The following OR5AS1 variants were observed in gnomAD, a reference collection of about 807,000 sequenced individuals.
The protein encoded by OR5AS1 is olfactory receptor 5AS1.
For synonymous variants in OR5AS1, 196 were observed against 141.7 expected, an observed-to-expected ratio of 1.38 and a Z score of -2.72; for missense variants, 492 against 378.2, an observed-to-expected ratio of 1.30 and a Z score of -2.50.
chr11:56,037,064 AC>A lies in OR5AS1; in HGVS notation c.*5674del, dbSNP rs1853413424. On this transcript the variant is annotated 3_prime_UTR_variant, in exon 2 of 2. Coordinates refer to ENST00000641320, the MANE Select transcript of OR5AS1 (RefSeq NM_001001921.2). ...GAAAAGGCCTTTGATAAAATTCAAC[AC>A]CCTTCGTGCTAAAAACTCTCAATAA... 1.3e-5 allele frequency: 2 copies of A among 151,954 alleles called. No homozygotes were observed. Among genetic ancestry groups the A allele is most frequent in the South Asian group, 2.1e-4 (1 of 4,820 alleles). The allele number at this position is 151,954 out of a possible 1,614,324, so 9.4% of individuals were successfully genotyped here.
chr11:56,035,474 G>A lies in OR5AS1; in HGVS notation c.*4081G>A, dbSNP rs531737830. On this transcript the variant is annotated 3_prime_UTR_variant, in exon 2 of 2. Transcript: ENST00000641320. ...GAAAAAAGAAAAAAAAAACAACAAA[G>A]CACAGGGGTTGTAATCCTAGTCTCT... 5 of 149,884 alleles carry A rather than the reference G, an allele frequency of 3.3e-5. 1 individual carries two copies. The highest frequency in any genetic ancestry group is 9.8e-5 in the African/African-American group (4 of 40,984). 9.3% of individuals were successfully genotyped at this position (149,884 alleles called of 1,614,324 possible). A position where few individuals can be genotyped will look rare whatever the true frequency, so the allele number is the denominator to read the frequency against.
At position 56,038,108 on chromosome 11, in the gene OR5AS1, C is replaced by A. The variant is rs1174836705; in HGVS notation, c.*6715C>A. ...CTGGACCCCTTCCTTATATCTTATACAAAAATTAACTCAAGATGGATTAAA... is the reference window on the plus strand; with the variant it reads ...CTGGACCCCTTCCTTATATCTTATAAAAAAATTAACTCAAGATGGATTAAA... On this transcript the variant is annotated 3_prime_UTR_variant, in exon 2 of 2. Coordinates refer to ENST00000641320, the MANE Select transcript of OR5AS1 (RefSeq NM_001001921.2). The A allele has an allele frequency of 6.6e-6, 1 of 152,130 alleles. No individual in the cohort carries two copies. Among genetic ancestry groups the A allele is most frequent in the Non-Finnish European group, 1.5e-5 (1 of 68,036 alleles). The allele number at this position is 152,130 out of a possible 1,614,324, so 9.4% of individuals were successfully genotyped here. A position where few individuals can be genotyped will look rare whatever the true frequency, so the allele number is the denominator to read the frequency against.
chr11:56,031,487 C>A lies in OR5AS1; in HGVS notation c.*94C>A. 1 of 948,820 alleles carries A rather than the reference C, an allele frequency of 1.1e-6. No individual in the cohort carries two copies. Among genetic ancestry groups the A allele is most frequent in the Non-Finnish European group, 1.6e-6 (1 of 637,850 alleles). The allele number at this position is 948,820 out of a possible 1,614,324, so 58.8% of individuals were successfully genotyped here. A position where few individuals can be genotyped will look rare whatever the true frequency, so the allele number is the denominator to read the frequency against. ...ATCACATTTTCAGAAATAAAGATAA[C>A]TTGTTATACTCAGTGCATTAAAATG... On this transcript the variant is annotated 3_prime_UTR_variant, in exon 2 of 2. Transcript: ENST00000641320.
chr11:56,028,497 G>A (rs1414359546), intron 1 of OR5AS1, among the ~76,000 whole-genome samples: 4 of 152,094 alleles, frequency 2.6e-5, no homozygotes, highest in Non-Finnish European at 4.4e-5. Context: ...CCTTCAAAGA[G>A]AATAGCAAAT....
In OR5AS1 at chr11:56,037,237, A is replaced by T. The variant is rs1853415101; in HGVS notation, c.*5844A>T. Reference sequence around the variant, plus strand: ...ATGCCCTCTCTCACCACTCCTATTCAACATAGTATTGAAAGTGCTGGCCAG... The same window carrying T: ...ATGCCCTCTCTCACCACTCCTATTCTACATAGTATTGAAAGTGCTGGCCAG... On this transcript the variant is annotated 3_prime_UTR_variant, in exon 2 of 2. Transcript: ENST00000641320. The T allele has an allele frequency of 6.6e-6, 1 of 152,116 alleles. No individual in the cohort carries two copies. The highest frequency in any genetic ancestry group is 1.5e-5 in the Non-Finnish European group (1 of 68,030). 9.4% of individuals were successfully genotyped at this position (152,116 alleles called of 1,614,324 possible).
rs1033762370 is a variant in OR5AS1, at chr11:56,031,055, G to A, written c.637G>A (p.Val213Ile). ...CTTCATCCAGACCAGCACTTTTGTG[G>A]TAATATTTATTTCTTACTTCTGCAT... ...CSFIQTSTFV[V>I]IFISYFCILI... Residue 213 changes from valine (V) to isoleucine (I), a missense_variant, in exon 2 of 2, where the codon GTA becomes ATA. Val to Ile is a conservative substitution (Grantham distance 29). Coordinates refer to ENST00000641320, the MANE Select transcript of OR5AS1 (RefSeq NM_001001921.2). The A allele has an allele frequency of 1.2e-6, 2 of 1,613,970 alleles. No homozygotes were observed. The highest frequency in any genetic ancestry group is 1.3e-5 in the African/African-American group (1 of 74,874).
At position 56,030,728 on chromosome 11, in the gene OR5AS1, T is replaced by A; in HGVS notation, c.310T>A (p.Phe104Ile). ...TGGGTGTGCACTACAAATGTTTTTC[T>A]TCGCTTCTTTTGCTGATGCTGAGTG... is the stretch of plus-strand genomic sequence containing the variant. ...PYGCALQMFF[F>I]ASFADAECLI... Residue 104 changes from phenylalanine (F) to isoleucine (I), a missense_variant, in exon 2 of 2, where the codon TTC becomes ATC. Coordinates refer to ENST00000641320, the MANE Select transcript of OR5AS1 (RefSeq NM_001001921.2). 1 of 1,612,116 alleles carries A rather than the reference T, an allele frequency of 6.2e-7. No homozygotes were observed. The highest frequency in any genetic ancestry group is 8.5e-7 in the Non-Finnish European group (1 of 1,178,664).
Position 56,031,077 on chromosome 11 carries a change from G to A in OR5AS1, c.659G>A (p.Cys220Tyr), listed in dbSNP as rs1274154135. The A allele has an allele frequency of 3.1e-6, 5 of 1,613,762 alleles. No individual in the cohort carries two copies. The highest frequency in any genetic ancestry group is 2.7e-5 in the African/African-American group (2 of 74,820). Residue 220 changes from cysteine (C) to tyrosine (Y), a missense_variant, in exon 2 of 2, where the codon TGC becomes TAC. By Grantham distance (194) the Cys-to-Tyr change is radical (BLOSUM62 -2). Transcript: ENST00000641320. ...GTGGTAATATTTATTTCTTACTTCT[G>A]CATCCTCATCACTGTGTTGAGCATC... The part of the protein sequence containing the change: ...TFVVIFISYF[C>Y]ILITVLSIKS...
chr11:56,029,551 C>T (rs559514650), intron 1 of OR5AS1, among the ~76,000 whole-genome samples: 2 of 150,464 alleles, frequency 1.3e-5, no homozygotes, highest in African/African-American at 2.5e-5. Context: ...CACACACACA[C>T]GACTTATTTT....
At chr11:56,028,577 G>T (rs1291692252) in intron 1 of OR5AS1, among the ~76,000 whole-genome samples, 2 of 152,026 alleles carry the variant, frequency 1.3e-5, no homozygotes, top group Non-Finnish European at 2.9e-5. Flanking sequence ...GATCCAGTGG[G>T]GTCCAACTCA....
rs2134692091 is a variant in OR5AS1 at position 56,030,656 on chromosome 11, A to G, written c.238A>G (p.Lys80Glu). 3 of 1,580,672 alleles carry G rather than the reference A, an allele frequency of 1.9e-6. No homozygotes were observed. The highest frequency in any genetic ancestry group is 2.3e-5 in the South Asian group (2 of 85,960). Residue 80 changes from lysine (K) to glutamate (E), a missense_variant, in exon 2 of 2, where the codon AAA (lysine) becomes GAA (glutamate). By Grantham distance (56) the Lys-to-Glu change is moderately conservative. Coordinates refer to ENST00000641320, the MANE Select transcript of OR5AS1 (RefSeq NM_001001921.2). ...DISCSTAITPKMLANFLASRK... is the reference protein window; with the variant it reads ...DISCSTAITPEMLANFLASRK... ...CAGCTGTTCTACAGCAATCACTCCT[A>G]AAATGCTGGCAAACTTCTTGGCATC...
intron 1 of OR5AS1, among the ~76,000 whole-genome samples, chr11:56,029,333 A>G (rs1190026516): frequency 6.6e-6 from 1 of 152,022 alleles, no homozygotes; most frequent in African/African-American, 2.4e-5. Flanking sequence ...TTTTCCATAC[A>G]ATGTTTGTCC....
rs1853402552 is a variant in OR5AS1, at chr11:56,036,178, C to G, written c.*4785C>G. ...AGTACTAAAGGCCCACAAGAGAAAG[C>G]AGGAAAGATCTAAAATCAACACCCT... is the stretch of plus-strand genomic sequence containing the variant. On this transcript the variant is annotated 3_prime_UTR_variant, in exon 2 of 2. Coordinates refer to ENST00000641320, the MANE Select transcript of OR5AS1 (RefSeq NM_001001921.2). 6.6e-6 allele frequency: 1 copy of G among 152,014 alleles called. No individual in the cohort carries two copies. The highest frequency in any genetic ancestry group is 1.5e-5 in the Non-Finnish European group (1 of 68,008). 9.4% of individuals were successfully genotyped at this position (152,014 alleles called of 1,614,324 possible). A position where few individuals can be genotyped will look rare whatever the true frequency, so the allele number is the denominator to read the frequency against.
chr11:56,034,527 C>A lies in OR5AS1; in HGVS notation c.*3134C>A, dbSNP rs985254491. 1 of 151,856 alleles carries A rather than the reference C, an allele frequency of 6.6e-6. No individual in the cohort carries two copies. The highest frequency in any genetic ancestry group is 1.5e-5 in the Non-Finnish European group (1 of 67,996). 9.4% of individuals were successfully genotyped at this position (151,856 alleles called of 1,614,324 possible). The stretch of plus-strand genomic sequence containing the variant: ...AAGGATATCAGAGATTGAAGATCAA[C>A]TTAATGAAATAAAGCTTGAAGACAA... On this transcript the variant is annotated 3_prime_UTR_variant, in exon 2 of 2. Coordinates refer to ENST00000641320, the MANE Select transcript of OR5AS1 (RefSeq NM_001001921.2).
Position 56,033,625 on chromosome 11 carries a change from G to C in OR5AS1, c.*2232G>C, listed in dbSNP as rs981513133. The C allele has an allele frequency of 3.9e-5, 6 of 152,366 alleles. No individual in the cohort carries two copies. The highest frequency in any genetic ancestry group is 1.4e-4 in the African/African-American group (6 of 41,402). The allele number at this position is 152,366 out of a possible 1,614,324, so 9.4% of individuals were successfully genotyped here. ...CTCTAAAAAAAAGGCAGCAGCCCCA[G>C]TTAGGGGCCTAGAGATAAAACCCCC... On this transcript the variant is annotated 3_prime_UTR_variant, in exon 2 of 2. Coordinates refer to ENST00000641320, the MANE Select transcript of OR5AS1 (RefSeq NM_001001921.2).
rs534489132 is a variant in OR5AS1 at position 56,035,985 on chromosome 11, A to G, written c.*4592A>G. 6.6e-6 allele frequency: 1 copy of G among 152,276 alleles called. No homozygotes were observed. The highest frequency in any genetic ancestry group is 2.1e-4 in the South Asian group (1 of 4,828). 9.4% of individuals were successfully genotyped at this position (152,276 alleles called of 1,614,324 possible). A position where few individuals can be genotyped will look rare whatever the true frequency, so the allele number is the denominator to read the frequency against. ...AACTCAGGATTAAGAAACTCACTCA[A>G]AACCACACATCTACATGGAAACTGA... is the stretch of plus-strand genomic sequence containing the variant. On this transcript the variant is annotated 3_prime_UTR_variant, in exon 2 of 2. Coordinates refer to ENST00000641320, the MANE Select transcript of OR5AS1 (RefSeq NM_001001921.2).
In OR5AS1 at chr11:56,033,885, G is replaced by T. The variant is rs974290911; in HGVS notation, c.*2492G>T. 6.6e-6 allele frequency: 1 copy of T among 152,220 alleles called. No homozygotes were observed. Among genetic ancestry groups the T allele is most frequent in the Non-Finnish European group, 1.5e-5 (1 of 68,120 alleles). 9.4% of individuals were successfully genotyped at this position (152,220 alleles called of 1,614,324 possible). ...ACCTCATAGGAGAGAGCTCCAGCTGGCATCTCACAGGTGTGCCTCTAGGAT... is the reference window on the plus strand; with the variant it reads ...ACCTCATAGGAGAGAGCTCCAGCTGTCATCTCACAGGTGTGCCTCTAGGAT... On this transcript the variant is annotated 3_prime_UTR_variant, in exon 2 of 2. Transcript: ENST00000641320.
chr11:56,031,101 TC>T lies in OR5AS1; in HGVS notation c.684del (p.Lys229SerfsTer18). ...YFCILITVLSIKSSGGRSKTF... is the reference protein window; with the variant it reads ...YFCILITVLSXKSSGGRSKTF... ...TGCATCCTCATCACTGTGTTGAGCA[TC>T]AAGTCCTCAGGTGGCAGAAGCAAAA... On this transcript the variant is annotated frameshift_variant, in exon 2 of 2. Coordinates refer to ENST00000641320, the MANE Select transcript of OR5AS1 (RefSeq NM_001001921.2). LOFTEE classifies it low-confidence loss of function (END_TRUNC). 1.2e-6 allele frequency: 2 copies of T among 1,614,092 alleles called. No homozygotes were observed. The highest frequency in any genetic ancestry group is 2.2e-5 in the South Asian group (2 of 91,088).
In OR5AS1 at chr11:56,031,474, G is replaced by A; in HGVS notation, c.*81G>A. The A allele has an allele frequency of 9.3e-7, 1 of 1,072,758 alleles. No homozygotes were observed. Among genetic ancestry groups the A allele is most frequent in the Non-Finnish European group, 1.3e-6 (1 of 751,852 alleles). The allele number at this position is 1,072,758 out of a possible 1,614,324, so 66.5% of individuals were successfully genotyped here. A position where few individuals can be genotyped will look rare whatever the true frequency, so the allele number is the denominator to read the frequency against. On this transcript the variant is annotated 3_prime_UTR_variant, in exon 2 of 2. Transcript: ENST00000641320. ...CTATTTTAAATTTATCACATTTTCA[G>A]AAATAAAGATAACTTGTTATACTCA...
Sources: gnomAD v4.1 joint callset for allele counts (sites outside exome capture counted in the v4.1 genomes callset) on GRCh38, gnomAD v4.1.1 for gene constraint, MANE v1.5 for transcripts, NCBI Gene and HGNC (gene_info 2026-07-23, HGNC 2026-07-21) for gene names.